SNX29: variants seen among roughly 807,000 people sequenced by gnomAD.
The protein encoded by SNX29 is sorting nexin-29.
In SNX29, 78 loss-of-function variants were observed where a neutral mutation model predicts 102.1. That is an observed-to-expected ratio of 0.76 (90% CI 0.64 to 0.92). The LOEUF (loss-of-function observed/expected upper bound fraction) is 0.92. Among genes scored for constraint, SNX29 ranks in the 40% least tolerant of loss-of-function variants. SNX29 has a pLI of 0.00. For missense variants in SNX29, 1,280 were observed against 1,061.7 expected (o/e 1.21, Z -2.86); for synonymous variants, 580 against 414.5 (o/e 1.40, Z -4.85).
At chr16:12,306,521 C>G (rs138032636) in intron 15 of SNX29, among the ~76,000 whole-genome samples, 1 of 152,108 alleles carries the variant, frequency 6.6e-6, no homozygotes, top group Non-Finnish European at 1.5e-5. Flanking sequence ...TATTACAGAG[C>G]CTTTGAAATC....
chr16:12,566,831 T>G (rs1435565123), intron 20 of SNX29, among the ~76,000 whole-genome samples: 1 of 152,240 alleles, frequency 6.6e-6, no homozygotes, highest in Non-Finnish European at 1.5e-5. Context: ...CCGGCTTTGT[T>G]CAAGGTCAAA....
Position 12,568,999 on chromosome 16 carries a change from T to C in SNX29, c.*370T>C, listed in dbSNP as rs145783090. 155 of 286,476 alleles carry C rather than the reference T, an allele frequency of 5.4e-4. No individual in the cohort carries two copies. The highest frequency in any genetic ancestry group is 2.7e-4 in the Non-Finnish European group (42 of 153,100). 17.7% of individuals were successfully genotyped at this position (286,476 alleles called of 1,614,324 possible). A position where few individuals can be genotyped will look rare whatever the true frequency, so the allele number is the denominator to read the frequency against. On this transcript the variant is annotated 3_prime_UTR_variant, in exon 21 of 21. Transcript: ENST00000566228. ...TGAGAGGCAAAGGTGATCCCCTATA[T>C]AGGAAGGTTCATGCAGAGCCAGCCT...
intron 14 of SNX29, among the ~76,000 whole-genome samples, chr16:12,271,873 T>G (rs377631696): frequency 1.6e-4 from 24 of 152,328 alleles, no homozygotes; most frequent in African/African-American, 5.1e-4. Flanking sequence ...TCCGCCTGCC[T>G]TAGCCTCCCG....
At chr16:12,499,743 G>A (rs539634454) in intron 19 of SNX29, among the ~76,000 whole-genome samples, 54 of 152,222 alleles carry the variant, frequency 3.5e-4, no homozygotes, top group African/African-American at 9.2e-4. Context: ...GCACAATCAC[G>A]GCTCACTTGC....
chr16:12,090,419 G>A (rs557917063), intron 11 of SNX29: 60 of 152,328 alleles, frequency 3.9e-4, no homozygotes, highest in African/African-American at 1.3e-3. Flanking sequence ...GTTCCGTGCC[G>A]CCTCACGCGG....
intron 13 of SNX29, among the ~76,000 whole-genome samples, chr16:12,174,740 A>G (rs2076222622): frequency 6.6e-6 from 1 of 152,204 alleles, no homozygotes; most frequent in South Asian, 2.1e-4. Flanking sequence ...TGAACAATAA[A>G]AAGATTAGGA....
intron 10 of SNX29, among the ~76,000 whole-genome samples, chr16:12,076,386 C>A (rs927498387): frequency 6.6e-6 from 1 of 151,778 alleles, no homozygotes; most frequent in Non-Finnish European, 1.5e-5. Flanking sequence ...CTGCAACATC[C>A]GCCTCCTGGG....
chr16:12,129,870 C>T (rs1378098823), intron 13 of SNX29, 112 bp downstream of exon 13: 3 of 1,310,418 alleles, frequency 2.3e-6, no homozygotes, highest in African/African-American at 3.0e-5. Flanking sequence ...TTTGGGAGGC[C>T]AAGGCGGGTG....
intron 13 of SNX29, among the ~76,000 whole-genome samples, chr16:12,158,260 C>T (rs954622750): frequency 3.3e-5 from 5 of 151,942 alleles, no homozygotes; most frequent in Admixed American, 1.3e-4. Flanking sequence ...AGTGCAGTGG[C>T]GCAATCTCGG....
At chr16:12,551,196 C>T (rs1421128924) in intron 20 of SNX29, among the ~76,000 whole-genome samples, 4 of 151,758 alleles carry the variant, frequency 2.6e-5, no homozygotes, top group South Asian at 2.1e-4. Flanking sequence ...CACAGAGAGC[C>T]TTTAGGAACA....
chr16:12,269,010 G>C (rs1383925080), intron 14 of SNX29, among the ~76,000 whole-genome samples: 1 of 152,208 alleles, frequency 6.6e-6, no homozygotes, highest in African/African-American at 2.4e-5. Flanking sequence ...ATGACCTGCT[G>C]ATGGTACTGA....
chr16:12,498,871 G>A (rs2088962149), intron 19 of SNX29, among the ~76,000 whole-genome samples: 1 of 152,182 alleles, frequency 6.6e-6, no homozygotes, highest in Non-Finnish European at 1.5e-5. Flanking sequence ...GATGTAAGTA[G>A]AGAGATGGTA....
rs534347856 is a variant in SNX29 at position 12,180,707 on chromosome 16, G to A, written c.1596-18894G>A. Among the ~76,000 whole-genome samples, 9 of 152,210 alleles carry A rather than the reference G, an allele frequency of 5.9e-5. No homozygotes were observed. The South Asian group carries it at 1.9e-3, about 32-fold the overall frequency. ...TCACCGTGTAAGCCAGGATGGTCTC[G>A]ATCTCTTGACCTCATGATCCACCGG... On this transcript the variant is annotated intron_variant, in intron 13 of 20. Coordinates refer to ENST00000566228, the MANE Select transcript of SNX29 (RefSeq NM_032167.5).
chr16:11,995,813 G>A (rs1164558807), intron 1 of SNX29, among the ~76,000 whole-genome samples: 2 of 152,142 alleles, frequency 1.3e-5, no homozygotes, highest in South Asian at 2.1e-4. Context: ...TGTAATCCCA[G>A]CACTTTGGGA....
intron 4 of SNX29, among the ~76,000 whole-genome samples, chr16:12,042,309 A>G (rs1227982440): frequency 6.6e-6 from 1 of 152,200 alleles, no homozygotes; most frequent in Non-Finnish European, 1.5e-5. Flanking sequence ...GATTACAGGC[A>G]TGAGCCACCG....
intron 20 of SNX29, among the ~76,000 whole-genome samples, chr16:12,565,129 A>T (rs548246131): frequency 1.5e-5 from 2 of 137,606 alleles, no homozygotes; most frequent in Non-Finnish European, 3.1e-5. Context: ...TCTTATCCAC[A>T]TTAGCCCCCA....
At chr16:12,316,753 C>T (rs980757130) in intron 15 of SNX29, among the ~76,000 whole-genome samples, 1 of 152,224 alleles carries the variant, frequency 6.6e-6, no homozygotes, top group African/African-American at 2.4e-5. Context: ...CCTGGCTTCT[C>T]TGCATCCTCT....
chr16:12,095,388 T>A (rs924346117), intron 11 of SNX29: 13 of 152,336 alleles, frequency 8.5e-5, no homozygotes, highest in African/African-American at 3.1e-4. Flanking sequence ...GTCTTTTCTC[T>A]GCCGCTTTCC....
chr16:12,485,946 TTC>T (rs1236778138), intron 19 of SNX29, among the ~76,000 whole-genome samples: 3 of 152,194 alleles, frequency 2.0e-5, no homozygotes, highest in Admixed American at 1.3e-4. Context: ...AAGGCATCCT[TTC>T]TGTACATCCC....
Sources: allele counts gnomAD v4.1 joint callset (sites outside exome capture counted in the v4.1 genomes callset), GRCh38; gene constraint gnomAD v4.1.1; transcripts MANE v1.5; gene names NCBI Gene and HGNC (gene_info 2026-07-23, HGNC 2026-07-21).